SGCZ: variants seen among roughly 807,000 people sequenced by gnomAD.
SGCZ encodes the protein zeta-sarcoglycan.
In SGCZ, 40 loss-of-function variants were observed where a neutral mutation model predicts 41.3. The ratio of observed to expected loss-of-function variants is 0.97; its 90% confidence interval spans 0.75 to 1.26. The LOEUF (loss-of-function observed/expected upper bound fraction) is 1.26, where lower values mean the gene tolerates loss of function less well. Among genes scored for constraint, SGCZ ranks in the 50% most tolerant of loss-of-function variants. SGCZ has a pLI of 0.00. For missense variants in SGCZ, 552 were observed against 369.8 expected, an observed-to-expected ratio of 1.49 and a Z score of -4.04; for synonymous variants, 206 against 137.5, an observed-to-expected ratio of 1.50 and a Z score of -3.49.
intron 1 of SGCZ, among the ~76,000 whole-genome samples, chr8:14,968,902 CT>C (rs1206899582): frequency 6.6e-6 from 1 of 151,676 alleles, no homozygotes; most frequent in African/African-American, 2.4e-5. Flanking sequence ...TTCATTCGAG[CT>C]TTTTTTTCTC....
At chr8:14,655,421 G>A (rs141901948) in intron 1 of SGCZ, among the ~76,000 whole-genome samples, 7 of 152,130 alleles carry the variant, frequency 4.6e-5, no homozygotes, top group African/African-American at 7.2e-5. Context: ...TCCTGCATGC[G>A]TAACTTGAGG....
intron 1 of SGCZ, among the ~76,000 whole-genome samples, chr8:15,003,321 C>G (rs1232127496): frequency 6.6e-6 from 1 of 152,044 alleles, no homozygotes; most frequent in Non-Finnish European, 1.5e-5. Context: ...TCAATTAAAC[C>G]TCTTTTTATG....
intron 1 of SGCZ, among the ~76,000 whole-genome samples, chr8:14,555,216 G>A (rs1803997686): frequency 6.6e-6 from 1 of 151,914 alleles, no homozygotes; most frequent in African/African-American, 2.4e-5. Context: ...GGAGGCTCAG[G>A]TCTACCTCCA....
At chr8:14,455,662 T>C (rs1254871796) in intron 2 of SGCZ, among the ~76,000 whole-genome samples, 1 of 152,244 alleles carries the variant, frequency 6.6e-6, no homozygotes, top group African/African-American at 2.4e-5. Context: ...AGATCATTTG[T>C]GTTTTATTTG....
intron 2 of SGCZ, among the ~76,000 whole-genome samples, chr8:14,400,032 A>G (rs564044029): frequency 9.9e-5 from 15 of 151,902 alleles, no homozygotes; most frequent in East Asian, 1.9e-4. Context: ...CCTTCCCCCA[A>G]TAAGCCCTAG....
chr8:14,152,256 C>A (rs1803732793), intron 5 of SGCZ, among the ~76,000 whole-genome samples: 1 of 151,986 alleles, frequency 6.6e-6, no homozygotes, highest in Non-Finnish European at 1.5e-5. Context: ...ACAAAGAATT[C>A]AATTAGCAAA....
chr8:14,281,893 A>G (rs750782489), intron 3 of SGCZ, among the ~76,000 whole-genome samples: 2 of 151,896 alleles, frequency 1.3e-5, no homozygotes, highest in African/African-American at 4.8e-5. Flanking sequence ...CTAAACCTCA[A>G]TGTGCCTCAA....
intron 1 of SGCZ, among the ~76,000 whole-genome samples, chr8:14,719,347 A>C (rs905835108): frequency 1.0e-3 from 151 of 150,544 alleles, no homozygotes; most frequent in Admixed American, 2.3e-3. Flanking sequence ...AGCATGATTT[A>C]TAGTCCTTTG....
At chr8:14,821,065 G>A (rs920341587) in intron 1 of SGCZ, among the ~76,000 whole-genome samples, 2 of 151,668 alleles carry the variant, frequency 1.3e-5, no homozygotes, top group Admixed American at 6.6e-5. Flanking sequence ...AAACAAAACT[G>A]ACAAACCTTA....
intron 3 of SGCZ, among the ~76,000 whole-genome samples, chr8:14,321,504 T>C (rs1801917611): frequency 6.6e-6 from 1 of 151,436 alleles, no homozygotes; most frequent in African/African-American, 2.4e-5. Context: ...CTCTTTATTA[T>C]CTTTCCATGT....
At chr8:14,439,642 A>G (rs921530970) in intron 2 of SGCZ, among the ~76,000 whole-genome samples, 9 of 151,974 alleles carry the variant, frequency 5.9e-5, no homozygotes, top group Admixed American at 5.3e-4. Flanking sequence ...AAATCAATCA[A>G]TATAATCCGT....
At chr8:14,282,347 C>G (rs963086397) in intron 3 of SGCZ, among the ~76,000 whole-genome samples, 3 of 14,724 alleles carry the variant, frequency 2.0e-4, no homozygotes, top group African/African-American at 4.5e-4. Context: ...GCCAAAAATC[C>G]CTTTCTTTCA....
intron 2 of SGCZ, among the ~76,000 whole-genome samples, chr8:14,401,702 G>T (rs555965652): frequency 2.0e-5 from 3 of 151,584 alleles, no homozygotes; most frequent in African/African-American, 7.3e-5. Context: ...GGACATTTGG[G>T]TTGGTTCCAA....
chr8:14,196,819 A>G (rs1805280532), intron 4 of SGCZ, among the ~76,000 whole-genome samples: 1 of 152,196 alleles, frequency 6.6e-6, no homozygotes, highest in Non-Finnish European at 1.5e-5. Flanking sequence ...ATGGAAAAAT[A>G]TTTGCCATGC....
chr8:14,987,627 G>C (rs777936424), intron 1 of SGCZ, among the ~76,000 whole-genome samples: 19 of 151,974 alleles, frequency 1.3e-4, no homozygotes, highest in South Asian at 4.1e-4. Flanking sequence ...CAAAATATTA[G>C]TAGAAGTATT....
rs554610928 is a variant in SGCZ, at chr8:14,634,390, A to AT, written c.40-79465dup. Among the ~76,000 whole-genome samples the AT allele has an allele frequency of 8.8e-3, 1,339 of 151,530 alleles. 19 individuals are homozygous for AT. Among genetic ancestry groups the AT allele is most frequent in the African/African-American group, 0.031 (1,270 of 41,394 alleles). ...TTTTTTTGTTCTGTGTTTTTTGTGTATTTTTTAAACCACCCACACTCAACG... is the reference window on the plus strand; with the variant it reads ...TTTTTTTGTTCTGTGTTTTTTGTGTATTTTTTTAAACCACCCACACTCAACG... On this transcript the variant is annotated intron_variant, in intron 1 of 7. Transcript: ENST00000382080.
chr8:14,623,275 A>G (rs1806344675), intron 1 of SGCZ, among the ~76,000 whole-genome samples: 1 of 152,240 alleles, frequency 6.6e-6, no homozygotes, highest in Non-Finnish European at 1.5e-5. Context: ...CAGGAAAGCA[A>G]CATTCATAAC....
intron 1 of SGCZ, among the ~76,000 whole-genome samples, chr8:15,123,923 G>C (rs1234246136): frequency 1.3e-5 from 2 of 151,900 alleles, no homozygotes; most frequent in Admixed American, 6.6e-5. Context: ...GCTGAAGGTA[G>C]TCTACAAAAG....
At chr8:14,435,485 C>T (rs949347044) in intron 2 of SGCZ, among the ~76,000 whole-genome samples, 10 of 152,100 alleles carry the variant, frequency 6.6e-5, no homozygotes, top group African/African-American at 2.4e-4. Flanking sequence ...GTTCTTATAT[C>T]CCTTTACCCC....
Sources: gnomAD v4.1 joint callset for allele counts (sites outside exome capture counted in the v4.1 genomes callset) on GRCh38, gnomAD v4.1.1 for gene constraint, MANE v1.5 for transcripts, NCBI Gene and HGNC (gene_info 2026-07-23, HGNC 2026-07-21) for gene names.